Variants in TIMELESS observed in about 807,000 individuals in gnomAD.
TIMELESS encodes the protein timeless circadian regulator, also known as protein timeless homolog.
In TIMELESS, 124 loss-of-function variants were observed where a neutral mutation model predicts 164.3. That is an observed-to-expected ratio of 0.75 (90% CI 0.65 to 0.88). TIMELESS has a LOEUF of 0.88. Ranked by LOEUF, TIMELESS falls within the 40% of genes least tolerant of loss-of-function variation. The pLI, the probability that TIMELESS is intolerant of heterozygous loss-of-function variation, is 0.00. For synonymous variants in TIMELESS, 564 were observed against 563.4 expected, an observed-to-expected ratio of 1.00 and a Z score of -0.02; for missense variants, 1,422 against 1,491.4, an observed-to-expected ratio of 0.95 and a Z score of 0.77.
At chr12:56,430,053 T>C in intron 10 of TIMELESS, 52 bp downstream of exon 10, 4 of 1,529,308 alleles carry the variant, frequency 2.6e-6, no homozygotes, top group African/African-American at 2.8e-5. Context: ...AGCTGCATCA[T>C]CACCTGTCTA....
chr12:56,448,103 C>T (rs1275995302), intron 1 of TIMELESS, among the ~76,000 whole-genome samples: 1 of 152,110 alleles, frequency 6.6e-6, no homozygotes, highest in African/African-American at 2.4e-5. Flanking sequence ...TCTACCTTTA[C>T]TTTGTACAAA....
intron 10 of TIMELESS, among the ~76,000 whole-genome samples, chr12:56,429,303 A>T (rs1350538315): frequency 6.6e-6 from 1 of 151,494 alleles, no homozygotes; most frequent in Admixed American, 6.6e-5. Context: ...GGTTCAAGCG[A>T]TTCTCCTGCC....
chr12:56,429,244 G>A (rs530381223), intron 10 of TIMELESS, 144 bp from the exon 11 acceptor site: 480 of 704,714 alleles, frequency 6.8e-4, no homozygotes, highest in Middle Eastern at 1.2e-3. Flanking sequence ...TATTGCCCAG[G>A]CTGGAGTGCA....
rs868351855 is a variant in TIMELESS, at chr12:56,425,019, G to A, written c.1712C>T (p.Ala571Val). 1.5e-5 allele frequency: 24 copies of A among 1,614,046 alleles called. No homozygotes were observed. In the Admixed American group the frequency reaches 1.7e-4, roughly 11 times the overall value. The change falls in exon 14 of 29, where the codon GCC becomes GTC. Residue 571 changes from alanine (A) to valine (V), a missense_variant. By Grantham distance (64) the Ala-to-Val change is moderately conservative. Coordinates refer to ENST00000553532, the MANE Select transcript of TIMELESS (RefSeq NM_003920.5). The part of the protein sequence containing the change: ...PALAEQLQCC[A>V]QNSELSMDSV... Reference sequence around the variant, plus strand: ...AGGGTTTCTGTAACCACCTACCTGGGCACAGCACTGTAGCTGCTCAGCCAG... The same window carrying A: ...AGGGTTTCTGTAACCACCTACCTGGACACAGCACTGTAGCTGCTCAGCCAG...
chr12:56,427,368 C>T (rs1234577999), intron 13 of TIMELESS, among the ~76,000 whole-genome samples: 9 of 152,218 alleles, frequency 5.9e-5, no homozygotes, highest in Non-Finnish European at 1.0e-4. Context: ...AATGATCCAC[C>T]CACTGTGGCC....
rs1245073141 is a variant in TIMELESS, at chr12:56,420,985, A to C, written c.3018T>G (p.Leu1006=). 8.1e-6 allele frequency: 13 copies of C among 1,614,146 alleles called. No individual in the cohort carries two copies. Among genetic ancestry groups the C allele is most frequent in the Middle Eastern group, 1.6e-4 (1 of 6,062 alleles). Reference sequence around the variant, plus strand: ...CACCTTCCTGATGCAGGCTTTGACCAAGGTTTTCATTTGAAAGGACTAAGC... The same window carrying C: ...CACCTTCCTGATGCAGGCTTTGACCCAGGTTTTCATTTGAAAGGACTAAGC... ...QGSLVLSNEN[L]GQSLHQEGFS... Residue 1006 remains leucine (L), a synonymous_variant, in exon 24 of 29, where the codon CTT becomes CTG. Coordinates refer to ENST00000553532, the MANE Select transcript of TIMELESS (RefSeq NM_003920.5).
intron 18 of TIMELESS, 112 bp downstream of exon 18, chr12:56,423,162 T>C: frequency 7.0e-7 from 1 of 1,427,076 alleles, no homozygotes; most frequent in South Asian, 1.4e-5. Context: ...CTCATTGTTT[T>C]CCCATCTCCC....
At chr12:56,439,121 G>A (rs1246644268) in intron 1 of TIMELESS, among the ~76,000 whole-genome samples, 3 of 119,478 alleles carry the variant, frequency 2.5e-5, no homozygotes, top group Non-Finnish European at 3.2e-5. Context: ...AGCCCAAATC[G>A]TGCCACTGCA....
Position 56,426,069 on chromosome 12 carries a change from T to A in TIMELESS, c.1579-917A>T, listed in dbSNP as rs558192495. 3.0e-3 allele frequency among the ~76,000 whole-genome samples: 450 copies of A among 152,156 alleles called. 3 individuals carry two copies. The highest frequency in any genetic ancestry group is 0.01 in the African/African-American group (426 of 41,488). On this transcript the variant is annotated intron_variant, in intron 13 of 28. Coordinates refer to ENST00000553532, the MANE Select transcript of TIMELESS (RefSeq NM_003920.5). ...AACTTACAATCAAACACACCAAAAC[T>A]TAGGAGCATGGAGTCCAGCAGATCT... is the stretch of plus-strand genomic sequence containing the variant.
rs1311568627 is a variant in TIMELESS at position 56,423,007 on chromosome 12, G to A, written c.2293-15C>T. 1 of 1,611,314 alleles carries A rather than the reference G, an allele frequency of 6.2e-7. No homozygotes were observed. The highest frequency in any genetic ancestry group is 8.5e-7 in the Non-Finnish European group (1 of 1,178,752). On this transcript the variant is annotated splice_polypyrimidine_tract_variant and intron_variant, in intron 18 of 28. Coordinates refer to ENST00000553532, the MANE Select transcript of TIMELESS (RefSeq NM_003920.5). ...GTCACTAGCTCCTGTAGGAGAAGGA[G>A]GTTACTATGAGGCCTCTCTGGTCCA...
chr12:56,424,800 G>A lies in TIMELESS; in HGVS notation c.1830C>T (p.Gly610=). 6.2e-7 allele frequency: 1 copy of A among 1,614,166 alleles called. No individual in the cohort carries two copies. Among genetic ancestry groups the A allele is most frequent in the East Asian group, 2.2e-5 (1 of 44,886 alleles). The part of the protein sequence containing the change: ...MVRIQDCLLA[G]QAPQALTLLR... ...GGAGAGTCAGGGCCTGTGGGGCCTG[G>A]CCAGCCAGGAGACAGTCTTGGATCC... The change falls in exon 15 of 29, where the codon GGC becomes GGT. Residue 610 remains glycine, a synonymous_variant. Coordinates refer to ENST00000553532, the MANE Select transcript of TIMELESS (RefSeq NM_003920.5).
intron 1 of TIMELESS, among the ~76,000 whole-genome samples, chr12:56,445,652 C>T (rs1370181264): frequency 1.3e-5 from 2 of 151,422 alleles, no homozygotes; most frequent in Non-Finnish European, 2.9e-5. Context: ...GCAGGAGAAT[C>T]GCTTGAGGCG....
Position 56,428,538 on chromosome 12 carries a change from C to T in TIMELESS, c.1408+11G>A. The T allele has an allele frequency of 1.2e-6, 2 of 1,613,430 alleles. No homozygotes were observed. Among genetic ancestry groups the T allele is most frequent in the Non-Finnish European group, 1.7e-6 (2 of 1,179,452 alleles). ...GACAGGCTGGGATCGGGGACCAGGC[C>T]AGGGCCTCACTCTTGATGATGCGGC... On this transcript the variant is annotated intron_variant, in intron 12 of 28. Coordinates refer to ENST00000553532, the MANE Select transcript of TIMELESS (RefSeq NM_003920.5).
chr12:56,428,614 G>T lies in TIMELESS; in HGVS notation c.1343C>A (p.Ala448Glu). 1 of 1,614,086 alleles carries T rather than the reference G, an allele frequency of 6.2e-7. No homozygotes were observed. Among genetic ancestry groups the T allele is most frequent in the South Asian group, 1.1e-5 (1 of 91,078 alleles). Residue 448 changes from alanine to glutamate, a missense_variant, in exon 12 of 29, where the codon GCA becomes GAA. Physicochemically the swap from Ala to Glu is moderately radical, Grantham distance 107. Transcript: ENST00000553532. ...LALKAYQELL[A>E]TVNEMDISPD... ...AGATATGTCCATCTCATTCACTGTT[G>T]CCAGCAGCTCCTGATAGGCCTTCAG...
chr12:56,420,472 G>C, intron 26 of TIMELESS, 97 bp downstream of exon 26: 1 of 957,586 alleles, frequency 1.0e-6, no homozygotes, highest in Non-Finnish European at 1.6e-6. Flanking sequence ...ATGACGATAA[G>C]GATAAGGAGG....
At chr12:56,441,452 T>G (rs78633215) in intron 1 of TIMELESS, among the ~76,000 whole-genome samples, 5,014 of 151,822 alleles carry the variant, frequency 0.033, 273 homozygotes, top group African/African-American at 0.11. Context: ...CGAAGCCCAG[T>G]CTCCACAAAA....
At chr12:56,433,509 A>C in intron 4 of TIMELESS, 29 bp downstream of exon 4, 3 of 1,613,646 alleles carry the variant, frequency 1.9e-6, no homozygotes, top group Non-Finnish European at 2.5e-6. Context: ...CCCATATTCC[A>C]CCCCAGGGAC....
chr12:56,449,084 G>A (rs1411128982), intron 1 of TIMELESS, among the ~76,000 whole-genome samples: 2 of 152,250 alleles, frequency 1.3e-5, no homozygotes, highest in Non-Finnish European at 2.9e-5. Context: ...CAAGCTGTGC[G>A]GAGCAGCGTA....
At chr12:56,430,010 C>G in intron 10 of TIMELESS, 95 bp downstream of exon 10, 1 of 1,284,030 alleles carries the variant, frequency 7.8e-7, no homozygotes, top group Non-Finnish European at 1.1e-6. Context: ...GGGGCAGCCT[C>G]CCCGAGCTCC....
Sources: gnomAD v4.1 joint callset for allele counts (sites outside exome capture counted in the v4.1 genomes callset) on GRCh38, gnomAD v4.1.1 for gene constraint, MANE v1.5 for transcripts, NCBI Gene and HGNC (gene_info 2026-07-23, HGNC 2026-07-21) for gene names.